Variants in HS3ST5 observed in about 807,000 individuals in gnomAD.
The protein encoded by HS3ST5 is heparan sulfate glucosamine 3-O-sulfotransferase 5.
A neutral mutation model predicts 25.4 loss-of-function variants in HS3ST5; 10 were observed. The observed-to-expected ratio is 0.39, with a 90% CI of 0.24 to 0.67. HS3ST5 has a LOEUF of 0.67. Among genes scored for constraint, HS3ST5 ranks in the 30% least tolerant of loss-of-function variants. HS3ST5 has a pLI of 0.44. For synonymous variants in HS3ST5, 170 were observed against 162.4 expected, an observed-to-expected ratio of 1.05 and a Z score of -0.36; for missense variants, 324 against 420.7, an observed-to-expected ratio of 0.77 and a Z score of 2.01.
At chr6:114,236,923 A>G (rs1345906059) in intron 1 of HS3ST5, among the ~76,000 whole-genome samples, 1 of 152,216 alleles carries the variant, frequency 6.6e-6, no homozygotes, top group Admixed American at 6.5e-5. Context: ...AACTATCTAC[A>G]TCTTCAGTAC....
At chr6:114,325,096 C>G (rs1348091799) in intron 1 of HS3ST5, among the ~76,000 whole-genome samples, 1 of 152,080 alleles carries the variant, frequency 6.6e-6, no homozygotes, top group Non-Finnish European at 1.5e-5. Flanking sequence ...GTTGAATCTC[C>G]CAGTTTCTGA....
chr6:114,175,715 TAAGTC>T (rs976953585), intron 2 of HS3ST5, among the ~76,000 whole-genome samples: 5 of 152,178 alleles, frequency 3.3e-5, no homozygotes, highest in Admixed American at 1.3e-4. Context: ...GTATTTTTCT[TAAGTC>T]AAGATTAAAA....
At chr6:114,225,101 T>A (rs1043246811) in intron 2 of HS3ST5, among the ~76,000 whole-genome samples, 11 of 151,830 alleles carry the variant, frequency 7.2e-5, no homozygotes, top group African/African-American at 2.7e-4. Flanking sequence ...ATTCATTATC[T>A]ACCATGGCAT....
intron 3 of HS3ST5, among the ~76,000 whole-genome samples, chr6:114,108,651 C>G (rs556487467): frequency 2.3e-4 from 35 of 152,056 alleles, no homozygotes; most frequent in African/African-American, 8.0e-4. Flanking sequence ...TTTCATGGAG[C>G]AGGCAAAAAA....
At chr6:114,142,452 G>A (rs1777954995) in intron 3 of HS3ST5, among the ~76,000 whole-genome samples, 1 of 152,190 alleles carries the variant, frequency 6.6e-6, no homozygotes, top group Non-Finnish European at 1.5e-5. Flanking sequence ...AGGCTCACGA[G>A]TGAGTCATGG....
chr6:114,127,970 T>C (rs1021708664), intron 3 of HS3ST5, among the ~76,000 whole-genome samples: 10 of 151,176 alleles, frequency 6.6e-5, no homozygotes, highest in Non-Finnish European at 1.3e-4. Context: ...TATGTGTGCA[T>C]ATTTATAGCC....
intron 2 of HS3ST5, among the ~76,000 whole-genome samples, chr6:114,196,886 A>AG (rs1780785905): frequency 6.6e-6 from 1 of 151,742 alleles, no homozygotes; most frequent in African/African-American, 2.4e-5. Context: ...GGAAAAAAAA[A>AG]TAAACATTGG....
At chr6:114,079,311 G>A (rs1774320215) in intron 3 of HS3ST5, among the ~76,000 whole-genome samples, 2 of 152,164 alleles carry the variant, frequency 1.3e-5, no homozygotes, top group Admixed American at 6.5e-5. Context: ...CTCAAAATGT[G>A]TCTCTACTTT....
At chr6:114,295,892 G>C (rs192135401) in intron 1 of HS3ST5, among the ~76,000 whole-genome samples, 13 of 152,230 alleles carry the variant, frequency 8.5e-5, no homozygotes, top group Non-Finnish European at 1.5e-5. Context: ...AAGTGGAAGG[G>C]AGTTCAATTA....
At chr6:114,150,867 G>A (rs767595044) in intron 3 of HS3ST5, among the ~76,000 whole-genome samples, 5 of 152,142 alleles carry the variant, frequency 3.3e-5, no homozygotes, top group African/African-American at 1.2e-4. Flanking sequence ...ATTGGAAAAC[G>A]TGTGTTTTGG....
intron 3 of HS3ST5, among the ~76,000 whole-genome samples, chr6:114,110,154 T>C (rs749689934): frequency 3.3e-5 from 5 of 152,170 alleles, no homozygotes; most frequent in Non-Finnish European, 7.3e-5. Context: ...TGAGGGCTTA[T>C]TAGAGAATTG....
At chr6:114,287,036 A>G (rs1582789070) in intron 1 of HS3ST5, among the ~76,000 whole-genome samples, 1 of 152,094 alleles carries the variant, frequency 6.6e-6, no homozygotes, top group East Asian at 1.9e-4. Context: ...GGTGTCTTGT[A>G]TAAATTAGTG....
At chr6:114,190,453 T>A (rs568906516) in intron 2 of HS3ST5, among the ~76,000 whole-genome samples, 5 of 152,242 alleles carry the variant, frequency 3.3e-5, no homozygotes, top group Non-Finnish European at 7.3e-5. Flanking sequence ...TCCTAGTGCA[T>A]GCATTTTGGC....
intron 3 of HS3ST5, among the ~76,000 whole-genome samples, chr6:114,156,803 C>CTTTGAGG (rs1355067707): frequency 6.6e-6 from 1 of 152,116 alleles, no homozygotes; most frequent in Non-Finnish European, 1.5e-5. Context: ...GTAGCTATTC[C>CTTTGAGG]TTCTCGGTGT....
At chr6:114,300,757 C>G (rs1775039538) in intron 1 of HS3ST5, among the ~76,000 whole-genome samples, 1 of 152,044 alleles carries the variant, frequency 6.6e-6, no homozygotes, top group Non-Finnish European at 1.5e-5. Flanking sequence ...AACACAAATA[C>G]TTACAAACTG....
chr6:114,099,619 C>T (rs1419212967), intron 3 of HS3ST5, among the ~76,000 whole-genome samples: 3 of 152,172 alleles, frequency 2.0e-5, no homozygotes, highest in East Asian at 1.9e-4. Flanking sequence ...GGATTCAGCT[C>T]TCTAAGCTAG....
At chr6:114,218,713 T>A (rs1269112740) in intron 2 of HS3ST5, among the ~76,000 whole-genome samples, 1 of 152,252 alleles carries the variant, frequency 6.6e-6, no homozygotes, top group African/African-American at 2.4e-5. Context: ...GTTGTATTAC[T>A]TGGTCCCTGT....
At chr6:114,180,311 C>T (rs192302837) in intron 2 of HS3ST5, among the ~76,000 whole-genome samples, 274 of 152,208 alleles carry the variant, frequency 1.8e-3, no homozygotes, top group Middle Eastern at 3.4e-3. Flanking sequence ...ATGTATGTCA[C>T]GCTGGTGAGG....
chr6:114,138,302 C>G (rs1219899958), intron 3 of HS3ST5, among the ~76,000 whole-genome samples: 1 of 152,182 alleles, frequency 6.6e-6, no homozygotes, highest in Non-Finnish European at 1.5e-5. Flanking sequence ...ATTATCTTCA[C>G]AAAACGGCTT....
Sources: gnomAD v4.1 joint callset for allele counts (sites outside exome capture counted in the v4.1 genomes callset) on GRCh38, gnomAD v4.1.1 for gene constraint, MANE v1.5 for transcripts, NCBI Gene and HGNC (gene_info 2026-07-23, HGNC 2026-07-21) for gene names.